EAPP: variants seen among roughly 807,000 people sequenced by gnomAD.
EAPP encodes the protein E2F-associated phosphoprotein.
Under a neutral mutation model 34.3 loss-of-function variants are expected in EAPP, and 38 were observed. That is an observed-to-expected ratio of 1.11 (90% CI 0.85 to 1.45). The LOEUF is 1.45. EAPP is among the 40% of genes most tolerant of loss of function. The probability of loss-of-function intolerance (pLI) is 0.00; values close to 1 mark genes in which losing one functional copy is unlikely to be tolerated. For synonymous variants in EAPP, 113 were observed against 117.6 expected, an observed-to-expected ratio of 0.96 and a Z score of 0.25; for missense variants, 338 against 343.7, an observed-to-expected ratio of 0.98 and a Z score of 0.13.
At chr14:34,524,945 G>A in intron 4 of EAPP, 138 bp from the exon 5 acceptor site, 2 of 628,768 alleles carry the variant, frequency 3.2e-6, no homozygotes, top group South Asian at 2.1e-5. Flanking sequence ...AGATGAACCT[G>A]GAGCATCTTT....
chr14:34,525,122 G>A (rs72673447), intron 4 of EAPP, among the ~76,000 whole-genome samples: 5,701 of 152,084 alleles, frequency 0.037, 122 homozygotes, highest in Middle Eastern at 0.092. Flanking sequence ...AAATACCCAC[G>A]AATCCACGCT....
In EAPP at chr14:34,526,241, T is replaced by C. The variant is rs540488820; in HGVS notation, c.471-1434A>G. On this transcript the variant is annotated intron_variant, in intron 4 of 5. Coordinates refer to ENST00000250454, the MANE Select transcript of EAPP (RefSeq NM_018453.4). ...GTCAGGAGTTCAAGACCAGCCTGGC[T>C]AACATGGTGAAACCCCGTCTCTACT... is the stretch of plus-strand genomic sequence containing the variant. Among the ~76,000 whole-genome samples the C allele has an allele frequency of 1.1e-3, 171 of 151,208 alleles. 1 individual carries two copies. The highest frequency in any genetic ancestry group is 4.0e-3 in the African/African-American group (164 of 41,198).
At chr14:34,524,661 G>A (rs1329620086) in intron 5 of EAPP, 36 bp downstream of exon 5, 1 of 972,716 alleles carries the variant, frequency 1.0e-6, no homozygotes, top group African/African-American at 1.6e-5. Context: ...ATATGTATGT[G>A]TGTGTGTGTG....
intron 2 of EAPP, 62 bp from the exon 3 acceptor site, chr14:34,533,601 TC>T: frequency 9.3e-7 from 1 of 1,072,410 alleles, no homozygotes; most frequent in Non-Finnish European, 1.4e-6. Context: ...GGCAAAAAAC[TC>T]CATATATTCT....
chr14:34,536,521 G>C (rs1303015476), intron 1 of EAPP: 2 of 247,372 alleles, frequency 8.1e-6, no homozygotes, highest in East Asian at 9.5e-5. Flanking sequence ...CTGGAGTGCA[G>C]TGGCATGATC....
Position 34,515,993 on chromosome 14 carries a change from ACACT to A in EAPP, c.*313_*316del, listed in dbSNP as rs1461342459. On this transcript the variant is annotated 3_prime_UTR_variant, in exon 6 of 6. Coordinates refer to ENST00000250454, the MANE Select transcript of EAPP (RefSeq NM_018453.4). ...CAAAGCTATATCCAAAATAAAAATA[ACACT>A]CAGAAACAAAGATTGCTTATAATTC... 2.4e-5 allele frequency: 6 copies of A among 248,828 alleles called. No individual in the cohort carries two copies. The highest frequency in any genetic ancestry group is 4.6e-5 in the Non-Finnish European group (6 of 130,082). The allele number at this position is 248,828 out of a possible 1,614,324, so 15.4% of individuals were successfully genotyped here.
chr14:34,526,387 T>C (rs1880096564), intron 4 of EAPP, among the ~76,000 whole-genome samples: 1 of 149,524 alleles, frequency 6.7e-6, no homozygotes, highest in Non-Finnish European at 1.5e-5. Context: ...GAAATTGCGA[T>C]ACTGCACTCC....
chr14:34,516,854 C>T (rs988422374), intron 5 of EAPP, among the ~76,000 whole-genome samples: 3 of 152,144 alleles, frequency 2.0e-5, no homozygotes, highest in Non-Finnish European at 4.4e-5. Context: ...CAGGCACAAG[C>T]CACTGCACCA....
intron 4 of EAPP, 86 bp from the exon 5 acceptor site, chr14:34,524,893 T>G (rs965542463): frequency 9.6e-6 from 10 of 1,044,414 alleles, no homozygotes; most frequent in Non-Finnish European, 1.5e-5. Context: ...AAAGAACCAG[T>G]ACTATTCAGA....
intron 3 of EAPP, among the ~76,000 whole-genome samples, chr14:34,530,045 A>G (rs1341260135): frequency 6.6e-6 from 1 of 151,478 alleles, no homozygotes; most frequent in African/African-American, 2.4e-5. Context: ...AAAATAAAAT[A>G]CAAAATTAGC....
chr14:34,537,563 G>A (rs1252176563), intron 1 of EAPP, among the ~76,000 whole-genome samples: 1 of 152,160 alleles, frequency 6.6e-6, no homozygotes, highest in African/African-American at 2.4e-5. Flanking sequence ...CCATTTCTCA[G>A]GATTGTGTTT....
chr14:34,517,004 C>G (rs1879755652), intron 5 of EAPP, among the ~76,000 whole-genome samples: 1 of 148,442 alleles, frequency 6.7e-6, no homozygotes, highest in Admixed American at 6.8e-5. Flanking sequence ...GTGGCGCGAT[C>G]TCGGCTCACT....
chr14:34,516,279 G>A lies in EAPP; in HGVS notation c.*31C>T, dbSNP rs756731789. 6.3e-7 allele frequency: 1 copy of A among 1,585,136 alleles called. No individual in the cohort carries two copies. The highest frequency in any genetic ancestry group is 8.6e-7 in the Non-Finnish European group (1 of 1,165,488). On this transcript the variant is annotated 3_prime_UTR_variant, in exon 6 of 6. Coordinates refer to ENST00000250454, the MANE Select transcript of EAPP (RefSeq NM_018453.4). ...ACTGTCCATATTTGCCTTATATACA[G>A]TATTGGGTAATTAAATGCCAGTTGG...
chr14:34,534,512 C>T (rs955338005), intron 2 of EAPP, among the ~76,000 whole-genome samples: 2 of 152,076 alleles, frequency 1.3e-5, no homozygotes, highest in Non-Finnish European at 2.9e-5. Context: ...AACTATGTTT[C>T]ATTACTCACT....
intron 5 of EAPP, among the ~76,000 whole-genome samples, chr14:34,522,386 T>C (rs2138887441): frequency 6.6e-6 from 1 of 152,322 alleles, no homozygotes; most frequent in Non-Finnish European, 1.5e-5. Context: ...AGTTCACATA[T>C]CACAGTATTG....
intron 1 of EAPP, among the ~76,000 whole-genome samples, chr14:34,537,887 G>C: frequency 6.6e-6 from 1 of 152,130 alleles, no homozygotes; most frequent in East Asian, 1.9e-4. Flanking sequence ...CAATGTATTA[G>C]TTTATAAACA....
chr14:34,525,168 A>G (rs570161314), intron 4 of EAPP, among the ~76,000 whole-genome samples: 1 of 152,284 alleles, frequency 6.6e-6, no homozygotes, highest in African/African-American at 2.4e-5. Flanking sequence ...TAAATGGAGG[A>G]GAACAGACAA....
intron 5 of EAPP, among the ~76,000 whole-genome samples, chr14:34,517,129 G>A (rs1210633450): frequency 6.6e-6 from 1 of 151,666 alleles, no homozygotes; most frequent in African/African-American, 2.4e-5. Flanking sequence ...TAGTAGAGAT[G>A]GGGTTTCATT....
intron 5 of EAPP, among the ~76,000 whole-genome samples, chr14:34,521,710 C>T (rs1879925613): frequency 6.7e-6 from 1 of 150,100 alleles, no homozygotes; most frequent in African/African-American, 2.4e-5. Context: ...TCTCGGCTCA[C>T]TGCAACCTCT....
Sources: gnomAD v4.1 joint callset for allele counts (sites outside exome capture counted in the v4.1 genomes callset) on GRCh38, gnomAD v4.1.1 for gene constraint, MANE v1.5 for transcripts, NCBI Gene and HGNC (gene_info 2026-07-23, HGNC 2026-07-21) for gene names.